The following FAM107B variants were observed in gnomAD, a reference collection of about 807,000 sequenced individuals.
FAM107B encodes family with sequence similarity 107 member B.
FAM107B carries 21 observed loss-of-function variants against 31.5 expected under a neutral mutation model. The observed-to-expected ratio is 0.67, with a 90% CI of 0.47 to 0.96. FAM107B has a LOEUF of 0.96. FAM107B is among the 40% of genes least tolerant of loss of function. The pLI, the probability that FAM107B is intolerant of heterozygous loss-of-function variation, is 0.00. For missense variants in FAM107B, 452 were observed against 377.1 expected, an observed-to-expected ratio of 1.20 and a Z score of -1.64; for synonymous variants, 157 against 141.5, an observed-to-expected ratio of 1.11 and a Z score of -0.78.
At chr10:14,679,627 C>T (rs1276984016) in intron 1 of FAM107B, among the ~76,000 whole-genome samples, 1 of 152,186 alleles carries the variant, frequency 6.6e-6, no homozygotes, top group Non-Finnish European at 1.5e-5. Flanking sequence ...GGCAAGATGA[C>T]AAAACCGAAT....
intron 2 of FAM107B, among the ~76,000 whole-genome samples, chr10:14,595,480 C>T (rs1334153645): frequency 8.1e-6 from 1 of 124,040 alleles, no homozygotes; most frequent in East Asian, 2.6e-4. Context: ...GGCTGGAGTA[C>T]AGTGGTTCGA....
chr10:14,699,956 G>A (rs887255236), intron 1 of FAM107B, among the ~76,000 whole-genome samples: 1 of 152,142 alleles, frequency 6.6e-6, no homozygotes, highest in South Asian at 2.1e-4. Context: ...TTTTTGAGAT[G>A]GACTCCCGCT....
At chr10:14,525,338 T>C (rs913722991) in intron 3 of FAM107B, among the ~76,000 whole-genome samples, 2 of 149,048 alleles carry the variant, frequency 1.3e-5, no homozygotes, top group Non-Finnish European at 2.9e-5. Context: ...CTCGGTCAGG[T>C]AGCTACCTGT....
chr10:14,582,665 C>A (rs1439629721), intron 2 of FAM107B, among the ~76,000 whole-genome samples: 4 of 152,104 alleles, frequency 2.6e-5, no homozygotes, highest in Non-Finnish European at 5.9e-5. Context: ...GCGTGAGCCA[C>A]CACACCCAGC....
At position 14,595,849 on chromosome 10, in the gene FAM107B, C is replaced by T. The variant is rs144873544; in HGVS notation, c.470-65334G>A. Among the ~76,000 whole-genome samples the T allele has an allele frequency of 1.1e-3, 163 of 152,318 alleles. 5 individuals are homozygous for T. In the East Asian group the frequency reaches 0.028, roughly 26 times the overall value. On this transcript the variant is annotated intron_variant, in intron 2 of 4. Coordinates refer to ENST00000181796, the MANE Select transcript of FAM107B (RefSeq NM_031453.4). Reference sequence around the variant, plus strand: ...ATGCCTTTCTCTCTTGTATCAACTCCAATCCATCTCACCAGCGGCACCCCG... The same window carrying T: ...ATGCCTTTCTCTCTTGTATCAACTCTAATCCATCTCACCAGCGGCACCCCG...
At chr10:14,691,893 CAA>C (rs58734762) in intron 1 of FAM107B, among the ~76,000 whole-genome samples, 21,934 of 128,890 alleles carry the variant, frequency 0.17, 1,670 homozygotes, top group Middle Eastern at 0.26. Context: ...GACTCTGTCA[CAA>C]AAAAAAAAAA....
chr10:14,585,004 G>A (rs1415409281), intron 2 of FAM107B, among the ~76,000 whole-genome samples: 1 of 152,066 alleles, frequency 6.6e-6, no homozygotes, highest in African/African-American at 2.4e-5. Context: ...CTCCCCTCTT[G>A]CTGATTCAAA....
At chr10:14,732,590 A>G (rs1856198989) in intron 1 of FAM107B, among the ~76,000 whole-genome samples, 1 of 152,108 alleles carries the variant, frequency 6.6e-6, no homozygotes, top group Non-Finnish European at 1.5e-5. Flanking sequence ...TATTCTAAAT[A>G]TGAAACTAGA....
At chr10:14,555,894 A>AACACACACAC (rs56270507) in intron 2 of FAM107B, 8,284 of 148,098 alleles carry the variant, frequency 0.056, 301 homozygotes, top group African/African-American at 0.1. Flanking sequence ...AGACATCTTT[A>AACACACACAC]ACACACACAC....
intron 2 of FAM107B, among the ~76,000 whole-genome samples, chr10:14,631,979 A>C (rs1236396644): frequency 6.6e-6 from 1 of 152,182 alleles, no homozygotes; most frequent in Admixed American, 6.5e-5. Flanking sequence ...CTGAGCCATT[A>C]GGACCATTGG....
chr10:14,599,717 A>G (rs1852308176), intron 2 of FAM107B, among the ~76,000 whole-genome samples: 1 of 152,192 alleles, frequency 6.6e-6, no homozygotes, highest in Non-Finnish European at 1.5e-5. Flanking sequence ...AGAATGTAGA[A>G]TCTGCGGCTG....
At chr10:14,660,036 A>G (rs1165042110) in intron 2 of FAM107B, among the ~76,000 whole-genome samples, 2 of 152,206 alleles carry the variant, frequency 1.3e-5, no homozygotes, top group African/African-American at 4.8e-5. Context: ...ACAGACAGCC[A>G]ACTCCGAAAA....
intron 1 of FAM107B, among the ~76,000 whole-genome samples, chr10:14,708,828 T>C (rs1331573226): frequency 2.6e-5 from 4 of 152,130 alleles, no homozygotes; most frequent in African/African-American, 9.7e-5. Context: ...GCAAAAGATC[T>C]GAACATACAC....
At chr10:14,651,175 C>T (rs1853888213) in intron 2 of FAM107B, among the ~76,000 whole-genome samples, 1 of 152,180 alleles carries the variant, frequency 6.6e-6, no homozygotes, top group Non-Finnish European at 1.5e-5. Flanking sequence ...CATTGGCCAG[C>T]CCTATCTATA....
intron 2 of FAM107B, among the ~76,000 whole-genome samples, chr10:14,599,600 C>A (rs1564594553): frequency 6.6e-6 from 1 of 152,102 alleles, no homozygotes; most frequent in Non-Finnish European, 1.5e-5. Context: ...CCCAGGAGTT[C>A]AAGATCAGCC....
At chr10:14,674,995 T>A (rs1854647665) in intron 1 of FAM107B, among the ~76,000 whole-genome samples, 1 of 152,208 alleles carries the variant, frequency 6.6e-6, no homozygotes, top group African/African-American at 2.4e-5. Context: ...CTTGTCCACG[T>A]ATGTTTTTAA....
At chr10:14,613,402 A>G (rs1588658891) in intron 2 of FAM107B, among the ~76,000 whole-genome samples, 1 of 152,210 alleles carries the variant, frequency 6.6e-6, no homozygotes, top group South Asian at 2.1e-4. Flanking sequence ...AGAGATTCAT[A>G]ATCTTTTAAA....
intron 1 of FAM107B, among the ~76,000 whole-genome samples, chr10:14,753,117 T>C (rs1343742296): frequency 6.6e-6 from 1 of 152,054 alleles, no homozygotes; most frequent in South Asian, 2.1e-4. Context: ...ACCAAAAAGA[T>C]GGTAAAAAGA....
At chr10:14,723,623 T>C (rs1268052787) in intron 1 of FAM107B, 4 of 705,582 alleles carry the variant, frequency 5.7e-6, no homozygotes, top group African/African-American at 5.2e-5. Flanking sequence ...CACAGAGCAA[T>C]GATGGGAAGG....
Sources: gnomAD v4.1 joint callset for allele counts (sites outside exome capture counted in the v4.1 genomes callset) on GRCh38, gnomAD v4.1.1 for gene constraint, MANE v1.5 for transcripts, NCBI Gene and HGNC (gene_info 2026-07-23, HGNC 2026-07-21) for gene names.